Variants in EPC2 observed in about 807,000 individuals in gnomAD.
EPC2 encodes the protein enhancer of polycomb homolog 2.
A neutral mutation model predicts 92.1 loss-of-function variants in EPC2; 14 were observed. The observed-to-expected ratio is 0.15, with a 90% confidence interval of 0.10 to 0.24. EPC2 has a LOEUF of 0.24. Ranked by LOEUF, EPC2 falls within the 10% of genes least tolerant of loss-of-function variation. The pLI, the probability that EPC2 is intolerant of heterozygous loss-of-function variation, is 1.00. For missense variants in EPC2, 755 were observed against 971.5 expected (o/e 0.78, Z 2.96); for synonymous variants, 340 against 334.7 (o/e 1.02, Z -0.17).
intron 2 of EPC2, among the ~76,000 whole-genome samples, chr2:148,727,447 C>A (rs574709675): frequency 2.0e-5 from 3 of 152,280 alleles, no homozygotes; most frequent in African/African-American, 7.2e-5. Context: ...AACAACAACT[C>A]TGTTAAAAAA....
Position 148,705,297 on chromosome 2 carries a change from T to A in EPC2, c.313+14924T>A, listed in dbSNP as rs183960447. 3.6e-3 allele frequency among the ~76,000 whole-genome samples: 542 copies of A among 150,198 alleles called. 3 individuals are homozygous for A. The highest frequency in any genetic ancestry group is 9.3e-3 in the African/African-American group (382 of 40,916). The stretch of plus-strand genomic sequence containing the variant: ...ATTTACTACTGCACAGTTATCATTT[T>A]AAAAAAAAAACTCTTACTTTCCCTA... On this transcript the variant is annotated intron_variant, in intron 2 of 13. Coordinates refer to ENST00000258484, the MANE Select transcript of EPC2 (RefSeq NM_015630.4).
At chr2:148,776,181 C>T (rs1235487752) in intron 10 of EPC2, among the ~76,000 whole-genome samples, 1 of 152,060 alleles carries the variant, frequency 6.6e-6, no homozygotes, top group Non-Finnish European at 1.5e-5. Context: ...CTTAAATTGT[C>T]ATAAATGTTT....
intron 1 of EPC2, chr2:148,645,506 C>T: frequency 7.4e-6 from 2 of 268,912 alleles, no homozygotes; most frequent in Non-Finnish European, 1.4e-5. Flanking sequence ...CCACCTCCCT[C>T]TCTCAGGCGC....
chr2:148,775,130 A>G (rs1683604207), intron 10 of EPC2, among the ~76,000 whole-genome samples: 1 of 151,878 alleles, frequency 6.6e-6, no homozygotes, highest in Admixed American at 6.6e-5. Context: ...ACCACTTCTC[A>G]AAGAGTAAAA....
At chr2:148,675,078 T>A (rs996169832) in intron 1 of EPC2, among the ~76,000 whole-genome samples, 1 of 152,260 alleles carries the variant, frequency 6.6e-6, no homozygotes, top group Admixed American at 6.5e-5. Context: ...CTTACTCATT[T>A]TATTTCTCTA....
intron 2 of EPC2, among the ~76,000 whole-genome samples, chr2:148,708,842 T>C (rs1328211816): frequency 6.6e-6 from 1 of 152,144 alleles, no homozygotes; most frequent in Non-Finnish European, 1.5e-5. Context: ...ATGGAACATA[T>C]CTCAAAATAG....
Position 148,769,271 on chromosome 2 carries a change from TG to T in EPC2, c.1230+32del, listed in dbSNP as rs764765466. 2.0e-6 allele frequency: 3 copies of T among 1,505,036 alleles called. No individual in the cohort carries two copies. The South Asian group carries it at 3.5e-5, about 18-fold the overall frequency. 93.2% of individuals were successfully genotyped at this position (1,505,036 alleles called of 1,614,324 possible). A position where few individuals can be genotyped will look rare whatever the true frequency, so the allele number is the denominator to read the frequency against. On this transcript the variant is annotated intron_variant, in intron 8 of 13. Transcript: ENST00000258484. The stretch of plus-strand genomic sequence containing the variant: ...AACTTTTGTGTGTGTGTGGTGTTTT[TG>T]TGAACTGGAATTAACAGGTAACCCA...
intron 1 of EPC2, among the ~76,000 whole-genome samples, chr2:148,687,300 G>A (rs1681547526): frequency 6.6e-6 from 1 of 152,224 alleles, no homozygotes; most frequent in East Asian, 1.9e-4. Context: ...TTACGGGAAT[G>A]TTGTGGCTGG....
At chr2:148,719,622 A>G (rs991204011) in intron 2 of EPC2, among the ~76,000 whole-genome samples, 3 of 152,192 alleles carry the variant, frequency 2.0e-5, no homozygotes, top group Non-Finnish European at 4.4e-5. Context: ...GCACCATCCC[A>G]GGAGGGTGCT....
intron 7 of EPC2, among the ~76,000 whole-genome samples, chr2:148,768,235 C>T (rs1034286423): frequency 7.2e-5 from 11 of 151,980 alleles, no homozygotes; most frequent in Admixed American, 5.2e-4. Flanking sequence ...AGTGAGAGTG[C>T]GAGACAACTG....
chr2:148,654,346 G>C (rs898967970), intron 1 of EPC2, among the ~76,000 whole-genome samples: 4 of 152,130 alleles, frequency 2.6e-5, no homozygotes, highest in African/African-American at 9.7e-5. Flanking sequence ...AAATATGAAG[G>C]TTGATGGAAG....
chr2:148,668,375 T>C (rs1464496870), intron 1 of EPC2, among the ~76,000 whole-genome samples: 1 of 152,232 alleles, frequency 6.6e-6, no homozygotes, highest in Non-Finnish European at 1.5e-5. Context: ...TTTCAGTTCA[T>C]AAATACGTAT....
intron 2 of EPC2, among the ~76,000 whole-genome samples, chr2:148,712,244 G>T (rs13010514): frequency 0.18 from 27,647 of 149,498 alleles, 3,162 homozygotes; most frequent in East Asian, 0.49. Context: ...TGTGTGTGGG[G>T]GTGTGTGTGT....
intron 3 of EPC2, among the ~76,000 whole-genome samples, chr2:148,745,288 A>G (rs16829224): frequency 0.014 from 2,150 of 152,128 alleles, 51 homozygotes; most frequent in African/African-American, 0.049. Flanking sequence ...ATGATTTTCT[A>G]TGATTGCTCA....
At chr2:148,751,113 C>T (rs1683076247) in intron 3 of EPC2, among the ~76,000 whole-genome samples, 1 of 152,126 alleles carries the variant, frequency 6.6e-6, no homozygotes, top group South Asian at 2.1e-4. Flanking sequence ...TCCCCACATT[C>T]TATAACCCAT....
At chr2:148,693,310 G>A (rs993374531) in intron 2 of EPC2, among the ~76,000 whole-genome samples, 2 of 152,068 alleles carry the variant, frequency 1.3e-5, no homozygotes, top group African/African-American at 2.4e-5. Context: ...CCTTGTTCAG[G>A]TTCATCACAT....
intron 1 of EPC2, among the ~76,000 whole-genome samples, chr2:148,666,736 G>A (rs1440753405): frequency 6.6e-6 from 1 of 152,180 alleles, no homozygotes; most frequent in Non-Finnish European, 1.5e-5. Context: ...ACTTAGAAAT[G>A]CCAGTTGTCT....
chr2:148,664,718 A>G (rs528796690), intron 1 of EPC2, among the ~76,000 whole-genome samples: 79 of 152,296 alleles, frequency 5.2e-4, no homozygotes, highest in Non-Finnish European at 1.0e-3. Context: ...CTAGAATTTT[A>G]TATAAATGGA....
intron 1 of EPC2, among the ~76,000 whole-genome samples, chr2:148,647,715 C>G (rs1683833624): frequency 6.9e-6 from 1 of 145,614 alleles, no homozygotes; most frequent in Non-Finnish European, 1.5e-5. Flanking sequence ...TCACTGCAAC[C>G]TTCGCCTCCC....
Sources: gnomAD v4.1 joint callset for allele counts (sites outside exome capture counted in the v4.1 genomes callset) on GRCh38, gnomAD v4.1.1 for gene constraint, MANE v1.5 for transcripts, NCBI Gene and HGNC (gene_info 2026-07-23, HGNC 2026-07-21) for gene names.